The following XKR4 variants were observed in gnomAD, a reference collection of about 807,000 sequenced individuals.
XKR4 encodes the protein XK-related protein 4.
XKR4 carries 12 observed loss-of-function variants against 53.9 expected under a neutral mutation model. The observed-to-expected ratio is 0.22, with a 90% CI of 0.14 to 0.36. XKR4 has a LOEUF of 0.36. XKR4 is among the 10% of genes least tolerant of loss of function. The probability of loss-of-function intolerance (pLI) is 1.00; values close to 1 mark genes in which losing one functional copy is unlikely to be tolerated. For synonymous variants in XKR4, 354 were observed against 362.4 expected, an observed-to-expected ratio of 0.98 and a Z score of 0.26; for missense variants, 799 against 859.5, an observed-to-expected ratio of 0.93 and a Z score of 0.88.
intron 2 of XKR4, chr8:55,449,855 T>C: frequency 1.0e-6 from 1 of 1,002,790 alleles, no homozygotes; most frequent in Non-Finnish European, 1.6e-6. Context: ...CTCAGCTGTC[T>C]GGAACTGGCT....
chr8:55,359,647 C>T (rs552815505), intron 2 of XKR4, among the ~76,000 whole-genome samples: 151 of 152,246 alleles, frequency 9.9e-4, no homozygotes, highest in Middle Eastern at 3.4e-3. Context: ...GGCCTGAGGT[C>T]ACTGAGTATC....
intron 1 of XKR4, among the ~76,000 whole-genome samples, chr8:55,324,536 C>T (rs1484283991): frequency 6.6e-6 from 1 of 152,188 alleles, no homozygotes; most frequent in East Asian, 1.9e-4. Flanking sequence ...TACAAACATG[C>T]CATTTTCCTC....
At chr8:55,295,813 A>G (rs1819094159) in intron 1 of XKR4, among the ~76,000 whole-genome samples, 1 of 147,558 alleles carries the variant, frequency 6.8e-6, no homozygotes, top group South Asian at 2.1e-4. Context: ...CGAGCTTATA[A>G]ATGGGGGGTA....
At chr8:55,251,887 C>A (rs1818366970) in intron 1 of XKR4, among the ~76,000 whole-genome samples, 1 of 152,216 alleles carries the variant, frequency 6.6e-6, no homozygotes, top group African/African-American at 2.4e-5. Flanking sequence ...CTCAAGCCTG[C>A]CTTACTCTAA....
intron 2 of XKR4, among the ~76,000 whole-genome samples, chr8:55,516,030 A>T (rs1188917230): frequency 6.6e-6 from 1 of 152,218 alleles, no homozygotes; most frequent in East Asian, 1.9e-4. Flanking sequence ...GAGTGTGGGC[A>T]AGTCATTTAA....
At chr8:55,269,769 C>A (rs921237881) in intron 1 of XKR4, among the ~76,000 whole-genome samples, 7 of 152,164 alleles carry the variant, frequency 4.6e-5, no homozygotes, top group African/African-American at 1.4e-4. Flanking sequence ...TCAAAGGAAT[C>A]CTGGAATATG....
rs111447840 is a variant in XKR4, at chr8:55,255,134, A to G, written c.807-102544A>G. On this transcript the variant is annotated intron_variant, in intron 1 of 2. Coordinates refer to ENST00000327381, the MANE Select transcript of XKR4 (RefSeq NM_052898.2). Reference sequence around the variant, plus strand: ...CCTGTATGTCTCCACAATTACATTCATGAGCTTTTTAGAGAAAACTCTTAT... The same window carrying G: ...CCTGTATGTCTCCACAATTACATTCGTGAGCTTTTTAGAGAAAACTCTTAT... Among the ~76,000 whole-genome samples the G allele has an allele frequency of 2.3e-3, 345 of 152,336 alleles. 1 individual carries two copies. The highest frequency in any genetic ancestry group is 7.8e-3 in the African/African-American group (323 of 41,574).
At chr8:55,245,085 T>G (rs1452278012) in intron 1 of XKR4, among the ~76,000 whole-genome samples, 3 of 151,848 alleles carry the variant, frequency 2.0e-5, no homozygotes, top group Non-Finnish European at 4.4e-5. Context: ...TATTTTTTAG[T>G]AGAGATTTTA....
intron 1 of XKR4, among the ~76,000 whole-genome samples, chr8:55,315,232 T>G (rs935247880): frequency 2.0e-5 from 3 of 152,178 alleles, no homozygotes; most frequent in African/African-American, 7.2e-5. Flanking sequence ...ACAGCACTAT[T>G]CTGAGCTGCA....
chr8:55,289,569 GAGAGAGA>G (rs1818953967), intron 1 of XKR4, among the ~76,000 whole-genome samples: 20 of 74,448 alleles, frequency 2.7e-4, no homozygotes, highest in African/African-American at 8.5e-4. Flanking sequence ...AGGAAGGAAG[GAGAGAGA>G]AAGGAAGAAA....
intron 2 of XKR4, among the ~76,000 whole-genome samples, chr8:55,434,598 T>G (rs1411545728): frequency 6.6e-6 from 1 of 152,216 alleles, no homozygotes; most frequent in African/African-American, 2.4e-5. Flanking sequence ...TAAACAGTCC[T>G]GAGATTTTAG....
At chr8:55,191,366 GGTTTA>G (rs1296633266) in intron 1 of XKR4, among the ~76,000 whole-genome samples, 1 of 152,104 alleles carries the variant, frequency 6.6e-6, no homozygotes, top group African/African-American at 2.4e-5. Context: ...TATATTTACT[GGTTTA>G]GTCTTTCGAT....
intron 2 of XKR4, among the ~76,000 whole-genome samples, chr8:55,413,855 G>A (rs1431329245): frequency 6.6e-6 from 1 of 152,164 alleles, no homozygotes; most frequent in African/African-American, 2.4e-5. Flanking sequence ...TAAGGAACAA[G>A]AGTATAAAAG....
chr8:55,314,115 G>C (rs183536508), intron 1 of XKR4, among the ~76,000 whole-genome samples: 38 of 152,350 alleles, frequency 2.5e-4, no homozygotes, highest in African/African-American at 9.1e-4. Flanking sequence ...GCACCAGATG[G>C]AAATTCCATC....
At chr8:55,512,778 C>T (rs2063025) in intron 2 of XKR4, among the ~76,000 whole-genome samples, 6,540 of 152,132 alleles carry the variant, frequency 0.043, 543 homozygotes, top group East Asian at 0.28. Context: ...TACCAATACA[C>T]CCCTCCATGG....
At chr8:55,174,445 G>A (rs192084806) in intron 1 of XKR4, among the ~76,000 whole-genome samples, 99 of 152,208 alleles carry the variant, frequency 6.5e-4, no homozygotes, top group South Asian at 2.1e-3. Flanking sequence ...GAAAAGGATG[G>A]GGACTACATC....
intron 2 of XKR4, among the ~76,000 whole-genome samples, chr8:55,512,660 C>T (rs965103454): frequency 2.6e-5 from 4 of 152,124 alleles, no homozygotes; most frequent in Non-Finnish European, 1.5e-5. Flanking sequence ...GTTCAATAAA[C>T]ATTTATGAGA....
At chr8:55,455,481 G>C (rs1805556435) in intron 2 of XKR4, among the ~76,000 whole-genome samples, 2 of 152,178 alleles carry the variant, frequency 1.3e-5, no homozygotes, top group Non-Finnish European at 2.9e-5. Flanking sequence ...TTTGGTGCTA[G>C]AGGGGGCTGG....
At chr8:55,415,922 T>C (rs1804840048) in intron 2 of XKR4, among the ~76,000 whole-genome samples, 2 of 152,224 alleles carry the variant, frequency 1.3e-5, no homozygotes, top group African/African-American at 4.8e-5. Context: ...CTCATTATTA[T>C]TGATAATCAT....
Sources: gnomAD v4.1 joint callset for allele counts (sites outside exome capture counted in the v4.1 genomes callset) on GRCh38, gnomAD v4.1.1 for gene constraint, MANE v1.5 for transcripts, NCBI Gene and HGNC (gene_info 2026-07-23, HGNC 2026-07-21) for gene names.